CDH12: variants seen among roughly 807,000 people sequenced by gnomAD.
The protein encoded by CDH12 is cadherin 12.
CDH12 carries 41 observed loss-of-function variants against 74.1 expected under a neutral mutation model. That is an observed-to-expected ratio of 0.55 (90% confidence interval 0.43 to 0.72). The LOEUF (loss-of-function observed/expected upper bound fraction) is 0.72, where lower values mean the gene tolerates loss of function less well. Ranked by LOEUF, CDH12 falls within the 30% of genes least tolerant of loss-of-function variation. The pLI is 0.00. For missense variants in CDH12, 945 were observed against 977.2 expected (o/e 0.97, Z 0.44); for synonymous variants, 399 against 355.0 (o/e 1.12, Z -1.39).
At chr5:22,695,060 A>G (rs1448488242) in intron 1 of CDH12, among the ~76,000 whole-genome samples, 3 of 151,312 alleles carry the variant, frequency 2.0e-5, no homozygotes, top group South Asian at 4.2e-4. Context: ...TCGTTGTTCA[A>G]CTCCCACTTA....
At chr5:22,280,560 G>T (rs141005464) in intron 3 of CDH12, among the ~76,000 whole-genome samples, 11,035 of 152,020 alleles carry the variant, frequency 0.073, 524 homozygotes, top group South Asian at 0.16. Context: ...GATCCCACAG[G>T]AATACAAACT....
At chr5:22,229,023 A>G (rs1752292075) in intron 3 of CDH12, among the ~76,000 whole-genome samples, 1 of 152,092 alleles carries the variant, frequency 6.6e-6, no homozygotes, top group Non-Finnish European at 1.5e-5. Context: ...CCTCCCTTCA[A>G]GTGACTATAT....
At chr5:22,822,104 C>T (rs1201315069) in intron 1 of CDH12, among the ~76,000 whole-genome samples, 3 of 152,088 alleles carry the variant, frequency 2.0e-5, no homozygotes, top group Non-Finnish European at 4.4e-5. Flanking sequence ...TGATCTTTGA[C>T]AAATCTGACA....
chr5:22,425,172 A>AATATAT (rs1491328055), intron 2 of CDH12, among the ~76,000 whole-genome samples: 5 of 83,454 alleles, frequency 6.0e-5, no homozygotes, highest in African/African-American at 2.2e-4. Context: ...TATATATATA[A>AATATAT]ATATATATAT....
intron 3 of CDH12, among the ~76,000 whole-genome samples, chr5:22,397,507 C>T (rs905227540): frequency 5.4e-5 from 8 of 148,148 alleles, no homozygotes; most frequent in East Asian, 4.0e-4. Context: ...TAACAGAACA[C>T]GTATCATTGG....
rs770146101 is a variant in CDH12, at chr5:21,751,948, T to C, written c.2174A>G (p.Asp725Gly). The C allele has an allele frequency of 6.2e-7, 1 of 1,614,086 alleles. No individual in the cohort carries two copies. The highest frequency in any genetic ancestry group is 8.5e-7 in the Non-Finnish European group (1 of 1,179,990). Residue 725 changes from aspartate (D) to glycine (G), a missense_variant, in exon 15 of 15, where the codon GAT becomes GGT. By Grantham distance (94) the Asp-to-Gly change is moderately conservative (BLOSUM62 -1). Coordinates refer to ENST00000382254, the MANE Select transcript of CDH12 (RefSeq NM_004061.5). ...DFIHQRLQEN[D>G]VDPTAPPYDS... is the part of the protein sequence containing the mutation. Reference sequence around the variant, plus strand: ...GTATGGTGGGGCAGTTGGATCCACATCATTTTCCTGTAGCCTTTGATGAAT... The same window carrying C: ...GTATGGTGGGGCAGTTGGATCCACACCATTTTCCTGTAGCCTTTGATGAAT...
At chr5:22,104,632 A>G (rs912459040) in intron 4 of CDH12, among the ~76,000 whole-genome samples, 1 of 152,132 alleles carries the variant, frequency 6.6e-6, no homozygotes, top group Admixed American at 6.6e-5. Flanking sequence ...TGATGTTGCT[A>G]TATCTTTCTT....
chr5:22,823,813 C>G (rs755140556), intron 1 of CDH12, among the ~76,000 whole-genome samples: 1 of 152,134 alleles, frequency 6.6e-6, no homozygotes, highest in African/African-American at 2.4e-5. Context: ...GACATGCCTG[C>G]TTCCCTTTCT....
intron 11 of CDH12, among the ~76,000 whole-genome samples, chr5:21,775,033 G>T (rs1189963101): frequency 6.6e-6 from 1 of 152,198 alleles, no homozygotes; most frequent in Non-Finnish European, 1.5e-5. Flanking sequence ...GAAAGAGGTA[G>T]AAGAATCTTC....
At chr5:22,361,959 C>T (rs1183048735) in intron 3 of CDH12, among the ~76,000 whole-genome samples, 2 of 152,124 alleles carry the variant, frequency 1.3e-5, no homozygotes, top group Non-Finnish European at 2.9e-5. Flanking sequence ...AAATGTTAGA[C>T]CTAAAACCAT....
chr5:21,937,292 G>T (rs1421493502), intron 6 of CDH12, among the ~76,000 whole-genome samples: 1 of 152,158 alleles, frequency 6.6e-6, no homozygotes, highest in African/African-American at 2.4e-5. Flanking sequence ...AGTGTTTTAA[G>T]AAAGAGAATA....
At chr5:22,413,088 T>A (rs1441427901) in intron 2 of CDH12, among the ~76,000 whole-genome samples, 1 of 152,024 alleles carries the variant, frequency 6.6e-6, no homozygotes, top group African/African-American at 2.4e-5. Flanking sequence ...CAATATTCCA[T>A]TCAATATTTT....
At chr5:22,193,536 G>A (rs1450823190) in intron 4 of CDH12, among the ~76,000 whole-genome samples, 1 of 152,136 alleles carries the variant, frequency 6.6e-6, no homozygotes, top group Non-Finnish European at 1.5e-5. Flanking sequence ...ATGTCAACCT[G>A]TTCCTTGAAT....
intron 6 of CDH12, chr5:21,883,167 G>T (rs1752447387): frequency 2.7e-6 from 4 of 1,504,072 alleles, no homozygotes; most frequent in South Asian, 2.3e-5. Context: ...AATGAAAAAG[G>T]TTGGAAGAAA....
At chr5:21,950,261 T>G (rs1755791511) in intron 6 of CDH12, among the ~76,000 whole-genome samples, 1 of 152,204 alleles carries the variant, frequency 6.6e-6, no homozygotes, top group Non-Finnish European at 1.5e-5. Flanking sequence ...GAATACACTA[T>G]ATGATGTTAC....
intron 1 of CDH12, among the ~76,000 whole-genome samples, chr5:22,540,656 A>G (rs1436049754): frequency 6.6e-6 from 1 of 152,180 alleles, no homozygotes; most frequent in Non-Finnish European, 1.5e-5. Context: ...GTCTGGTGAA[A>G]TTAACATATG....
chr5:22,178,000 A>C (rs1489283770), intron 4 of CDH12, among the ~76,000 whole-genome samples: 1 of 152,194 alleles, frequency 6.6e-6, no homozygotes, highest in Non-Finnish European at 1.5e-5. Context: ...CTGATGGTGA[A>C]AGAAACAGAA....
intron 1 of CDH12, among the ~76,000 whole-genome samples, chr5:22,821,089 T>C (rs1273221551): frequency 6.6e-6 from 1 of 151,986 alleles, no homozygotes; most frequent in East Asian, 1.9e-4. Context: ...CATACGCAAA[T>C]CAATAAATGT....
At chr5:22,184,523 T>C (rs1749821443) in intron 4 of CDH12, among the ~76,000 whole-genome samples, 1 of 152,216 alleles carries the variant, frequency 6.6e-6, no homozygotes, top group African/African-American at 2.4e-5. Flanking sequence ...TCATAACTAG[T>C]AATTGTGAAA....
Sources: allele counts gnomAD v4.1 joint callset (sites outside exome capture counted in the v4.1 genomes callset), GRCh38; gene constraint gnomAD v4.1.1; transcripts MANE v1.5; gene names NCBI Gene and HGNC (gene_info 2026-07-23, HGNC 2026-07-21).